DNAH11: variants seen among roughly 807,000 people sequenced by gnomAD.
DNAH11 encodes dynein axonemal heavy chain 11, also known as axonemal beta dynein heavy chain 11.
Under a neutral mutation model 526.0 loss-of-function variants are expected in DNAH11, and 442 were observed. The ratio of observed to expected loss-of-function variants is 0.84; its 90% CI spans 0.78 to 0.91. The LOEUF (loss-of-function observed/expected upper bound fraction) is 0.91. Ranked by LOEUF, DNAH11 falls within the 40% of genes least tolerant of loss-of-function variation. The probability of loss-of-function intolerance (pLI) is 0.00; values close to 1 mark genes in which losing one functional copy is unlikely to be tolerated. For missense variants in DNAH11, 6,989 were observed against 5,448.7 expected (o/e 1.28, Z -8.90); for synonymous variants, 2,461 against 1,935.9 (o/e 1.27, Z -7.12).
chr7:21,851,499 G>A (rs937600525), intron 66 of DNAH11: 53 of 469,156 alleles, frequency 1.1e-4, no homozygotes, highest in African/African-American at 7.4e-4. Context: ...TGGTTAAGGA[G>A]AACAGAAAGT....
intron 59 of DNAH11, 81 bp downstream of exon 59, chr7:21,786,848 A>G (rs944430229): frequency 6.5e-7 from 1 of 1,539,862 alleles, no homozygotes; most frequent in Non-Finnish European, 8.8e-7. Context: ...TAATAGCAAA[A>G]GATGTTTAAG....
intron 74 of DNAH11, among the ~76,000 whole-genome samples, chr7:21,874,452 C>T (rs758786414): frequency 7.8e-4 from 119 of 152,154 alleles, no homozygotes; most frequent in Non-Finnish European, 1.3e-3. Context: ...TCTCCTGCCT[C>T]AGCCTCCCAG....
intron 7 of DNAH11, chr7:21,570,546 T>C: frequency 3.0e-6 from 1 of 327,984 alleles, no homozygotes; most frequent in South Asian, 7.6e-5. Context: ...TAAATCTCTT[T>C]ATGTATCAGT....
chr7:21,899,434 A>C lies in DNAH11; in HGVS notation c.13148A>C (p.Gln4383Pro). ...TGGCTCTCCGGCTTCTTCAACCCTC[A>C]GTCCTTCTTAACTGGTAAGGGCTGA... is the stretch of plus-strand genomic sequence containing the variant. Reference protein sequence around the residue: ...VVWLSGFFNPQSFLTAIMQTM... With the variant: ...VVWLSGFFNPPSFLTAIMQTM... The change falls in exon 80 of 82, where the codon CAG becomes CCG. Residue 4383 changes from glutamine (Q) to proline (P), a missense_variant. By Grantham distance (76) the Gln-to-Pro change is moderately conservative (BLOSUM62 -1). Transcript: ENST00000409508. 1 of 1,613,538 alleles carries C rather than the reference A, an allele frequency of 6.2e-7. No homozygotes were observed. Among genetic ancestry groups the C allele is most frequent in the Non-Finnish European group, 8.5e-7 (1 of 1,179,550 alleles).
chr7:21,543,792 T>C, intron 1 of DNAH11, 196 bp downstream of exon 1: 3 of 610,592 alleles, frequency 4.9e-6, no homozygotes, highest in Non-Finnish European at 8.5e-6. Context: ...TGCAGGTTAG[T>C]TTCCTAAGTC....
chr7:21,643,772 T>A (rs1248892037), intron 28 of DNAH11, among the ~76,000 whole-genome samples: 1 of 152,170 alleles, frequency 6.6e-6, no homozygotes, highest in Non-Finnish European at 1.5e-5. Context: ...GCTGTAAATA[T>A]AAAATACATA....
At chr7:21,622,164 A>T (rs931973172) in intron 25 of DNAH11, among the ~76,000 whole-genome samples, 111 of 152,312 alleles carry the variant, frequency 7.3e-4, no homozygotes, top group African/African-American at 2.6e-3. Flanking sequence ...AAGCATTCTT[A>T]TACACCAATA....
chr7:21,544,594 A>C (rs111805866), intron 1 of DNAH11, among the ~76,000 whole-genome samples: 1 of 152,238 alleles, frequency 6.6e-6, no homozygotes, highest in Non-Finnish European at 1.5e-5. Context: ...ATAGAAATAC[A>C]AATTAACCTC....
At chr7:21,774,973 T>C (rs1787608391) in intron 56 of DNAH11, among the ~76,000 whole-genome samples, 1 of 152,154 alleles carries the variant, frequency 6.6e-6, no homozygotes, top group African/African-American at 2.4e-5. Context: ...CCGAGTGGCC[T>C]GGGTAACCCA....
chr7:21,836,308 A>G (rs76228452), intron 65 of DNAH11, among the ~76,000 whole-genome samples: 2,809 of 152,214 alleles, frequency 0.018, 79 homozygotes, highest in African/African-American at 0.063. Context: ...CCTTGAGCAA[A>G]AAAAACAAAG....
At chr7:21,701,289 C>A (rs1371153220) in intron 36 of DNAH11, among the ~76,000 whole-genome samples, 1 of 136,572 alleles carries the variant, frequency 7.3e-6, no homozygotes, top group East Asian at 2.1e-4. Context: ...ACACTTTTTA[C>A]TTTTTTTTTT....
At chr7:21,821,911 C>T (rs1400297735) in intron 65 of DNAH11, among the ~76,000 whole-genome samples, 1 of 152,012 alleles carries the variant, frequency 6.6e-6, no homozygotes, top group Non-Finnish European at 1.5e-5. Flanking sequence ...CTCTTTGCCT[C>T]CATGAGACCC....
chr7:21,662,138 G>A (rs942537626), intron 30 of DNAH11, among the ~76,000 whole-genome samples: 14 of 152,068 alleles, frequency 9.2e-5, no homozygotes, highest in Admixed American at 3.3e-4. Context: ...TTTTTAAATA[G>A]TGTTTTAGTT....
chr7:21,870,712 T>C (rs1052509887), intron 73 of DNAH11, among the ~76,000 whole-genome samples: 5 of 152,246 alleles, frequency 3.3e-5, no homozygotes, highest in African/African-American at 1.2e-4. Flanking sequence ...AATTGCAAGT[T>C]GTAAATTTTA....
rs1439863596 is a variant in DNAH11 at position 21,620,722 on chromosome 7, A to C, written c.4500+644A>C. Among the ~76,000 whole-genome samples, 335 of 60,962 alleles carry C rather than the reference A, an allele frequency of 5.5e-3. 3 individuals carry two copies. The highest frequency in any genetic ancestry group is 0.019 in the African/African-American group (284 of 15,034). The allele number at this position is 60,962 out of a possible 152,430, so 40.0% of individuals were successfully genotyped here. A position where few individuals can be genotyped will look rare whatever the true frequency, so the allele number is the denominator to read the frequency against. ...AAAGCTATCCCTCCCCCCTCCCCCCACCCCACAACAGTCCCCAGAGTGTGA... is the reference window on the plus strand; with the variant it reads ...AAAGCTATCCCTCCCCCCTCCCCCCCCCCCACAACAGTCCCCAGAGTGTGA... On this transcript the variant is annotated intron_variant, in intron 25 of 81. Coordinates refer to ENST00000409508, the MANE Select transcript of DNAH11 (RefSeq NM_001277115.2).
intron 23 of DNAH11, among the ~76,000 whole-genome samples, chr7:21,618,710 G>C (rs898169580): frequency 6.6e-6 from 1 of 152,152 alleles, no homozygotes; most frequent in Non-Finnish European, 1.5e-5. Flanking sequence ...TCAGTGAATA[G>C]GGTTCTTTAG....
At chr7:21,555,575 A>C (rs1175582784) in intron 2 of DNAH11, among the ~76,000 whole-genome samples, 3 of 152,118 alleles carry the variant, frequency 2.0e-5, no homozygotes, top group African/African-American at 4.8e-5. Flanking sequence ...CGAACTCCGC[A>C]CTTGCTTCAT....
At chr7:21,789,945 A>G (rs1562547494) in intron 61 of DNAH11, among the ~76,000 whole-genome samples, 1 of 109,026 alleles carries the variant, frequency 9.2e-6, no homozygotes, top group Non-Finnish European at 1.7e-5. Flanking sequence ...TTTAAGTTCC[A>G]GGGTGGATGT....
intron 30 of DNAH11, among the ~76,000 whole-genome samples, chr7:21,667,322 T>C (rs958768985): frequency 3.3e-5 from 5 of 152,150 alleles, no homozygotes; most frequent in Admixed American, 6.6e-5. Flanking sequence ...GCCTACTTTT[T>C]CTGGGAAGAA....
Sources: gnomAD v4.1 joint callset for allele counts (sites outside exome capture counted in the v4.1 genomes callset) on GRCh38, gnomAD v4.1.1 for gene constraint, MANE v1.5 for transcripts, NCBI Gene and HGNC (gene_info 2026-07-23, HGNC 2026-07-21) for gene names.